The following PPP4R1 variants were observed in gnomAD, a reference collection of about 807,000 sequenced individuals.
PPP4R1 encodes serine/threonine-protein phosphatase 4 regulatory subunit 1.
A neutral mutation model predicts 111.2 loss-of-function variants in PPP4R1; 42 were observed. That is an observed-to-expected ratio of 0.38 (90% CI 0.29 to 0.49). The LOEUF is 0.49. PPP4R1 is among the 20% of genes least tolerant of loss of function. The pLI is 0.97. For missense variants in PPP4R1, 1,012 were observed against 1,161.6 expected (o/e 0.87, Z 1.87); for synonymous variants, 409 against 405.5 (o/e 1.01, Z -0.10).
chr18:9,578,732 T>C (rs936219540), intron 9 of PPP4R1, among the ~76,000 whole-genome samples: 5 of 152,178 alleles, frequency 3.3e-5, no homozygotes, highest in African/African-American at 9.7e-5. Context: ...GCTAGAATTA[T>C]ATGCATGAGA....
Position 9,549,382 on chromosome 18 carries a change from G to C in PPP4R1, c.2548-44C>G, listed in dbSNP as rs373368002. 6.5e-6 allele frequency: 10 copies of C among 1,549,956 alleles called. No individual in the cohort carries two copies. The South Asian group carries it at 1.2e-4, about 18-fold the overall frequency. On this transcript the variant is annotated intron_variant, in intron 18 of 19. Transcript: ENST00000400556. ...TGCTCTAGGCTTCTCTGTCAATGTA[G>C]CCAAAAACTCGACTACTGGCTAACA...
chr18:9,570,380 C>T lies in PPP4R1; in HGVS notation c.1350G>A (p.Gln450=), dbSNP rs61757748. 3.7e-3 allele frequency: 5,976 copies of T among 1,613,532 alleles called. 13 individuals carry two copies. The highest frequency in any genetic ancestry group is 4.8e-3 in the Non-Finnish European group (5,628 of 1,179,754). ...TTSQDSALLD[Q]ELYNSFHFWR... ...AGAAATGGAAGGAGTTATACAATTCCTGATCTAAGAGAGCTGAATCTTGTG... is the reference window on the plus strand; with the variant it reads ...AGAAATGGAAGGAGTTATACAATTCTTGATCTAAGAGAGCTGAATCTTGTG... Residue 450 remains glutamine (Q), a synonymous_variant, in exon 11 of 20, where the codon CAG becomes CAA. Coordinates refer to ENST00000400556, the MANE Select transcript of PPP4R1 (RefSeq NM_001042388.3).
At chr18:9,586,482 T>C (rs62088865) in intron 6 of PPP4R1, among the ~76,000 whole-genome samples, 8,440 of 152,250 alleles carry the variant, frequency 0.055, 305 homozygotes, top group Middle Eastern at 0.092. Flanking sequence ...TGTGAACATA[T>C]TAAATGCCAC....
At chr18:9,601,396 C>G (rs755317388) in intron 2 of PPP4R1, among the ~76,000 whole-genome samples, 17 of 151,832 alleles carry the variant, frequency 1.1e-4, no homozygotes, top group Non-Finnish European at 2.2e-4. Context: ...CATGGTGGTA[C>G]GTGCCTGAAA....
chr18:9,560,808 G>A (rs1322205599), intron 13 of PPP4R1, among the ~76,000 whole-genome samples: 1 of 151,828 alleles, frequency 6.6e-6, no homozygotes, highest in African/African-American at 2.4e-5. Context: ...GCTGCAGTGA[G>A]CTGTGATCTC....
intron 2 of PPP4R1, among the ~76,000 whole-genome samples, chr18:9,611,738 G>A (rs964811593): frequency 5.3e-5 from 8 of 152,236 alleles, no homozygotes; most frequent in African/African-American, 1.9e-4. Flanking sequence ...GCAGCCGGGC[G>A]CAGTGGCTCA....
chr18:9,550,950 GC>G (rs2066479406), intron 16 of PPP4R1: 1 of 152,500 alleles, frequency 6.6e-6, no homozygotes, highest in Non-Finnish European at 1.5e-5. Context: ...TTCAATGATG[GC>G]CTTGAAGAAA....
intron 4 of PPP4R1, 40 bp downstream of exon 4, chr18:9,593,728 C>T: frequency 6.5e-7 from 1 of 1,540,454 alleles, no homozygotes; most frequent in South Asian, 1.1e-5. Context: ...ATCAAAGAAG[C>T]CTTTCTAGAA....
chr18:9,563,553 A>G lies in PPP4R1; in HGVS notation c.1574-3T>C. ...AGCGGACAGCACTTCCACTTGTGCTACAGGCAAAATAAGGAAATGGACAAA... is the reference window on the plus strand; with the variant it reads ...AGCGGACAGCACTTCCACTTGTGCTGCAGGCAAAATAAGGAAATGGACAAA... On this transcript the variant is annotated splice_region_variant and splice_polypyrimidine_tract_variant and intron_variant, in intron 11 of 19. Coordinates refer to ENST00000400556, the MANE Select transcript of PPP4R1 (RefSeq NM_001042388.3). 2 of 1,578,158 alleles carry G rather than the reference A, an allele frequency of 1.3e-6. No individual in the cohort carries two copies. The highest frequency in any genetic ancestry group is 1.7e-6 in the Non-Finnish European group (2 of 1,159,884).
At chr18:9,549,992 A>G (rs1024513793) in intron 18 of PPP4R1, 60 bp downstream of exon 18, 2 of 1,606,182 alleles carry the variant, frequency 1.2e-6, no homozygotes, top group Non-Finnish European at 1.7e-6. Context: ...GTAGGAAGTT[A>G]AAGAAGACAT....
At chr18:9,559,244 C>T (rs2066635548) in intron 14 of PPP4R1, among the ~76,000 whole-genome samples, 175 bp downstream of exon 14, 1 of 152,184 alleles carries the variant, frequency 6.6e-6, no homozygotes, top group Non-Finnish European at 1.5e-5. Context: ...AATTGTGGGA[C>T]TCTGACACTG....
At position 9,602,819 on chromosome 18, in the gene PPP4R1, TC is replaced by T. The variant is rs1456311955; in HGVS notation, c.53-7667del. ...CTGGGCGACGTACTGAGACACTGTC[TC>T]AAAAAAAAAGTTGGGCCCACCATAA... is the stretch of plus-strand genomic sequence containing the variant. On this transcript the variant is annotated intron_variant, in intron 2 of 19. Transcript: ENST00000400556. 8.1e-5 allele frequency among the ~76,000 whole-genome samples: 9 copies of T among 110,438 alleles called. No homozygotes were observed. In the South Asian group the frequency reaches 1.3e-3, roughly 16 times the overall value. 72.5% of individuals were successfully genotyped at this position (110,438 alleles called of 152,430 possible).
rs1302647802 is a variant in PPP4R1 at position 9,570,736 on chromosome 18, TA to T, written c.1047-54del. 3.4e-6 allele frequency: 5 copies of T among 1,474,838 alleles called. No homozygotes were observed. The African/African-American group carries it at 7.1e-5, about 21-fold the overall frequency. The allele number at this position is 1,474,838 out of a possible 1,614,324, so 91.4% of individuals were successfully genotyped here. ...AAACAATATGAAAGGATAATTACTT[TA>T]AAAAAACTGATGAAAGATATTACAT... On this transcript the variant is annotated intron_variant, in intron 10 of 19. Coordinates refer to ENST00000400556, the MANE Select transcript of PPP4R1 (RefSeq NM_001042388.3).
At chr18:9,577,261 A>C in intron 9 of PPP4R1, 70 bp from the exon 10 acceptor site, 2 of 1,422,884 alleles carry the variant, frequency 1.4e-6, no homozygotes, top group Non-Finnish European at 1.9e-6. Context: ...CACATTATGT[A>C]TATTTAATAA....
At position 9,603,639 on chromosome 18, in the gene PPP4R1, A is replaced by T. The variant is rs190168181; in HGVS notation, c.53-8486T>A. 3.9e-4 allele frequency among the ~76,000 whole-genome samples: 58 copies of T among 150,566 alleles called. 1 individual carries two copies. Among genetic ancestry groups the T allele is most frequent in the African/African-American group, 1.4e-3 (55 of 40,292 alleles). ...GGGACTACAAGTGCATGTGCCACCCACCATGCCCAGGTAATTTTCTTTATT... is the reference window on the plus strand; with the variant it reads ...GGGACTACAAGTGCATGTGCCACCCTCCATGCCCAGGTAATTTTCTTTATT... On this transcript the variant is annotated intron_variant, in intron 2 of 19. Transcript: ENST00000400556.
At position 9,557,348 on chromosome 18, in the gene PPP4R1, T is replaced by C; in HGVS notation, c.2063A>G (p.His688Arg). 1 of 1,605,640 alleles carries C rather than the reference T, an allele frequency of 6.2e-7. No homozygotes were observed. The highest frequency in any genetic ancestry group is 8.5e-7 in the Non-Finnish European group (1 of 1,177,960). The change falls in exon 15 of 20, where the codon CAC (histidine) becomes CGC (arginine). Residue 688 changes from histidine (H) to arginine (R), a missense_variant. His to Arg is a conservative substitution (Grantham distance 29). Coordinates refer to ENST00000400556, the MANE Select transcript of PPP4R1 (RefSeq NM_001042388.3). ...KVRRTLAFSI[H>R]ELAVILGDQL... ...ATCTCCAAGAATAACTGCAAGCTCG[T>C]GGATGGAGAATGCTAGAGTTCGTCG...
At chr18:9,581,049 C>A (rs949778374) in intron 9 of PPP4R1, among the ~76,000 whole-genome samples, 1 of 152,166 alleles carries the variant, frequency 6.6e-6, no homozygotes, top group Admixed American at 6.5e-5. Context: ...AGCATTCCAG[C>A]CAGTCACTAA....
intron 15 of PPP4R1, among the ~76,000 whole-genome samples, chr18:9,556,665 G>GT (rs2066590984): frequency 6.6e-6 from 1 of 152,324 alleles, no homozygotes; most frequent in South Asian, 2.1e-4. Context: ...TATCAAAGTA[G>GT]TGAGGGCTAA....
intron 9 of PPP4R1, among the ~76,000 whole-genome samples, chr18:9,578,259 C>T (rs2066969559): frequency 6.6e-6 from 1 of 152,200 alleles, no homozygotes; most frequent in Admixed American, 6.5e-5. Flanking sequence ...CCTTTTGAGA[C>T]AGCTCTTGCT....
Sources: gnomAD v4.1 joint callset for allele counts (sites outside exome capture counted in the v4.1 genomes callset) on GRCh38, gnomAD v4.1.1 for gene constraint, MANE v1.5 for transcripts, NCBI Gene and HGNC (gene_info 2026-07-23, HGNC 2026-07-21) for gene names.